RABEP1: variants seen among roughly 807,000 people sequenced by gnomAD.
The protein encoded by RABEP1 is rab GTPase-binding effector protein 1.
Under a neutral mutation model 123.4 loss-of-function variants are expected in RABEP1, and 51 were observed. The observed-to-expected ratio is 0.41, with a 90% CI of 0.33 to 0.52. RABEP1 has a LOEUF of 0.52. RABEP1 is among the 20% of genes least tolerant of loss of function. RABEP1 has a pLI of 0.16. For missense variants in RABEP1, 888 were observed against 996.3 expected (o/e 0.89, Z 1.46); for synonymous variants, 347 against 355.2 (o/e 0.98, Z 0.26).
intron 6 of RABEP1, among the ~76,000 whole-genome samples, chr17:5,349,537 A>T (rs867847174): frequency 1.6e-4 from 25 of 152,198 alleles, no homozygotes; most frequent in Admixed American, 3.9e-4. Context: ...TTTTACAAAG[A>T]TTCCTTGACT....
chr17:5,288,907 T>C (rs1025765793), intron 1 of RABEP1, among the ~76,000 whole-genome samples: 14 of 151,948 alleles, frequency 9.2e-5, no homozygotes, highest in Non-Finnish European at 1.9e-4. Context: ...GGTTTCACCA[T>C]GTTGGCCGGG....
At chr17:5,340,229 T>G (rs1331425904) in intron 5 of RABEP1, among the ~76,000 whole-genome samples, 1 of 152,178 alleles carries the variant, frequency 6.6e-6, no homozygotes, top group African/African-American at 2.4e-5. Flanking sequence ...TAGAACATAA[T>G]AGTTAAGAGC....
chr17:5,310,840 C>T (rs1416724320), intron 2 of RABEP1, among the ~76,000 whole-genome samples: 15 of 146,146 alleles, frequency 1.0e-4, no homozygotes, highest in Admixed American at 2.1e-4. Context: ...GACCGAGTCT[C>T]GCTGTGTTGT....
intron 1 of RABEP1, among the ~76,000 whole-genome samples, chr17:5,303,547 T>C (rs937192996): frequency 2.6e-5 from 4 of 152,076 alleles, no homozygotes; most frequent in Non-Finnish European, 4.4e-5. Context: ...TGTCCAATAG[T>C]TTTATTTTAA....
intron 1 of RABEP1, among the ~76,000 whole-genome samples, chr17:5,301,052 A>G (rs1244403603): frequency 6.6e-6 from 1 of 152,156 alleles, no homozygotes; most frequent in Non-Finnish European, 1.5e-5. Context: ...TCACTCCTTT[A>G]TGCTAAACTT....
At position 5,361,450 on chromosome 17, in the gene RABEP1, T is replaced by C. The variant is rs1480792501; in HGVS notation, c.1338T>C (p.Asp446=). 6.2e-7 allele frequency: 1 copy of C among 1,614,178 alleles called. No homozygotes were observed. The highest frequency in any genetic ancestry group is 2.2e-5 in the East Asian group (1 of 44,882). Residue 446 remains aspartate (D), a synonymous_variant, in exon 9 of 18, where the codon GAT becomes GAC. Transcript: ENST00000537505. ...ATTTTGGACCACTGGTAGGAGCAGA[T>C]TCAGTGTCTGAGAACTTTGATACTG... ...ESDFGPLVGA[D]SVSENFDTAS...
chr17:5,322,437 A>G (rs1905467545), intron 2 of RABEP1, among the ~76,000 whole-genome samples: 2 of 151,742 alleles, frequency 1.3e-5, no homozygotes, highest in South Asian at 4.2e-4. Flanking sequence ...CAAGAGGACA[A>G]TTATAAATAT....
rs767914672 is a variant in RABEP1, at chr17:5,338,182, G to T, written c.648+44G>T. The T allele has an allele frequency of 1.1e-5, 18 of 1,566,178 alleles. No individual in the cohort carries two copies. In the Admixed American group the frequency reaches 3.1e-4, roughly 27 times the overall value. ...CCATTTGCTTGAAACCCAAGTTTCT[G>T]CCCCAATGCCATGAACAAAATTAGA... On this transcript the variant is annotated intron_variant, in intron 5 of 17. Coordinates refer to ENST00000537505, the MANE Select transcript of RABEP1 (RefSeq NM_004703.6).
intron 5 of RABEP1, among the ~76,000 whole-genome samples, chr17:5,341,988 A>T (rs1907656278): frequency 6.6e-6 from 1 of 152,226 alleles, no homozygotes; most frequent in Admixed American, 6.5e-5. Flanking sequence ...CATGCTCAGT[A>T]ATTCAGAAAT....
At chr17:5,304,414 T>C (rs761842835) in intron 1 of RABEP1, among the ~76,000 whole-genome samples, 2 of 151,630 alleles carry the variant, frequency 1.3e-5, no homozygotes, top group Admixed American at 6.6e-5. Flanking sequence ...GCCCTGTCTC[T>C]ACTAAAAATA....
intron 1 of RABEP1, among the ~76,000 whole-genome samples, chr17:5,307,229 A>T (rs1301263676): frequency 6.6e-6 from 1 of 152,190 alleles, no homozygotes; most frequent in African/African-American, 2.4e-5. Flanking sequence ...GAGGCAGGAG[A>T]ATTGCTTGAA....
At chr17:5,339,156 A>G (rs1398219898) in intron 5 of RABEP1, among the ~76,000 whole-genome samples, 2 of 152,110 alleles carry the variant, frequency 1.3e-5, no homozygotes, top group Non-Finnish European at 2.9e-5. Flanking sequence ...ACACCCAAAG[A>G]AAAAAAGGAA....
chr17:5,299,713 TC>T, intron 1 of RABEP1, among the ~76,000 whole-genome samples: 6 of 129,294 alleles, frequency 4.6e-5, no homozygotes, highest in South Asian at 7.5e-4. Flanking sequence ...TTTCTTTTTT[TC>T]TTTTCTTTTT....
Position 5,298,815 on chromosome 17 carries a change from C to T in RABEP1, c.35-9879C>T, listed in dbSNP as rs563494960. ...GGACTACAGGCGTCCGCCACCACGC[C>T]CGGCTAATTTTTTGTATTTTTAGTA... is the stretch of plus-strand genomic sequence containing the variant. On this transcript the variant is annotated intron_variant, in intron 1 of 17. Coordinates refer to ENST00000537505, the MANE Select transcript of RABEP1 (RefSeq NM_004703.6). 4.3e-3 allele frequency among the ~76,000 whole-genome samples: 659 copies of T among 152,196 alleles called. 5 individuals carry two copies. Among genetic ancestry groups the T allele is most frequent in the African/African-American group, 0.015 (635 of 41,510 alleles).
chr17:5,368,159 A>T (rs1039522914), intron 11 of RABEP1, among the ~76,000 whole-genome samples: 24 of 152,300 alleles, frequency 1.6e-4, no homozygotes, highest in African/African-American at 5.3e-4. Flanking sequence ...GTATGGCTGC[A>T]TGTGACTCGG....
chr17:5,379,246 CCA>C (rs1377180192), intron 15 of RABEP1, among the ~76,000 whole-genome samples: 13 of 152,158 alleles, frequency 8.5e-5, no homozygotes, highest in Non-Finnish European at 1.3e-4. Context: ...CCTTTTATTC[CCA>C]GTCTTTTCTT....
chr17:5,322,564 C>A (rs1008717372), intron 2 of RABEP1, among the ~76,000 whole-genome samples: 1 of 151,976 alleles, frequency 6.6e-6, no homozygotes, highest in Non-Finnish European at 1.5e-5. Flanking sequence ...TAGTAATGGA[C>A]AGATTATCCA....
intron 1 of RABEP1, among the ~76,000 whole-genome samples, chr17:5,307,890 G>T (rs1052621200): frequency 6.6e-6 from 1 of 152,126 alleles, no homozygotes; most frequent in Non-Finnish European, 1.5e-5. Context: ...ATGGGTTTTT[G>T]ATTATGATCT....
At chr17:5,295,845 A>G (rs1461018815) in intron 1 of RABEP1, among the ~76,000 whole-genome samples, 2 of 152,154 alleles carry the variant, frequency 1.3e-5, no homozygotes, top group Admixed American at 1.3e-4. Flanking sequence ...CCTGTTTGCC[A>G]CATCATTATT....
Sources: gnomAD v4.1 joint callset for allele counts (sites outside exome capture counted in the v4.1 genomes callset) on GRCh38, gnomAD v4.1.1 for gene constraint, MANE v1.5 for transcripts, NCBI Gene and HGNC (gene_info 2026-07-23, HGNC 2026-07-21) for gene names.